The following ZNF658 variants were observed in gnomAD, a reference collection of about 807,000 sequenced individuals.
ZNF658 encodes zinc finger protein 658.
In ZNF658, 46 loss-of-function variants were observed where a neutral mutation model predicts 78.0. The ratio of observed to expected loss-of-function variants is 0.59; its 90% CI spans 0.47 to 0.75. ZNF658 has a LOEUF of 0.75. ZNF658 is among the 30% of genes least tolerant of loss of function. The pLI, the probability that ZNF658 is intolerant of heterozygous loss-of-function variation, is 0.00. For missense variants in ZNF658, 785 were observed against 1,189.3 expected (o/e 0.66, Z 5.00); for synonymous variants, 279 against 408.4 (o/e 0.68, Z 3.82).
Position 66,917,918 on chromosome 9 carries a change from G to A in ZNF658, c.352G>A (p.Val118Ile). 7 of 1,610,398 alleles carry A rather than the reference G, an allele frequency of 4.3e-6. No homozygotes were observed. The highest frequency in any genetic ancestry group is 5.9e-6 in the Non-Finnish European group (7 of 1,179,500). Reference sequence around the variant, plus strand: ...AACATTGAGTAAAGAAGGACAGAAAGTTTTAGAAAAACCATTTAATCTGGA... The same window carrying A: ...AACATTGAGTAAAGAAGGACAGAAAATTTTAGAAAAACCATTTAATCTGGA... Reference protein sequence around the residue: ...DKTLSKEGQKVLEKPFNLEIA... With the variant: ...DKTLSKEGQKILEKPFNLEIA... The change falls in exon 5 of 5, where the codon GTT becomes ATT. Residue 118 changes from valine to isoleucine, a missense_variant. This residue lies in a region of ZNF658 where 54 missense variants were observed against 48.9 expected (regional missense o/e 1.10). Transcript: ENST00000621410.
At chr9:66,916,090 AT>A (rs1822329555) in intron 4 of ZNF658, among the ~76,000 whole-genome samples, 2 of 149,922 alleles carry the variant, frequency 1.3e-5, no homozygotes, top group African/African-American at 4.9e-5. Context: ...GGGTTTCACC[AT>A]GTTGGTCAGG....
chr9:66,908,737 G>A lies in ZNF658; in HGVS notation c.238+3G>A. The A allele has an allele frequency of 6.2e-7, 1 of 1,610,522 alleles. No homozygotes were observed. The highest frequency in any genetic ancestry group is 1.1e-5 in the South Asian group (1 of 90,680). ...ATTCCTGAACCAGAGGTACCCAGGT[G>A]AGTGGGCATTAACAGAAGGAGCCCC... On this transcript the variant is annotated splice_donor_region_variant and intron_variant, in intron 4 of 4. Transcript: ENST00000621410.
rs953670666 is a variant in ZNF658, at chr9:66,920,444, C to T, written c.2878C>T (p.His960Tyr). The stretch of plus-strand genomic sequence containing the variant: ...AACCCTCAGAGTACATCAAAGAATT[C>T]ACACAGGGGAGAAATCCTATGAATG... ...NSTLRVHQRI[H>Y]TGEKSYECND... The change falls in exon 5 of 5, where the codon CAC (histidine) becomes TAC (tyrosine). Residue 960 changes from histidine to tyrosine, a missense_variant. Physicochemically the swap from His to Tyr is moderately conservative, Grantham distance 83. Transcript: ENST00000621410. The T allele has an allele frequency of 1.2e-6, 2 of 1,608,136 alleles. No homozygotes were observed. The highest frequency in any genetic ancestry group is 1.7e-6 in the Non-Finnish European group (2 of 1,178,838).
chr9:66,930,808 C>T (rs1822635553), intron 6 of ZNF658, among the ~76,000 whole-genome samples: 1 of 150,476 alleles, frequency 6.6e-6, no homozygotes, highest in Non-Finnish European at 1.5e-5. Context: ...CACAAATGAA[C>T]TCTGACTTCC....
chr9:66,910,140 A>G (rs1297346781), intron 4 of ZNF658, among the ~76,000 whole-genome samples: 3 of 152,232 alleles, frequency 2.0e-5, no homozygotes, highest in African/African-American at 7.2e-5. Flanking sequence ...ATACAGTTAC[A>G]CTGGGGGTTA....
rs772377009 is a variant in ZNF658, at chr9:66,918,479, A to C, written c.913A>C (p.Asn305His). ...CTATGAGTGTAATGAAAGGGGGATTAATTTCAGTAGGAAGTCACCCCTCAC... is the reference window on the plus strand; with the variant it reads ...CTATGAGTGTAATGAAAGGGGGATTCATTTCAGTAGGAAGTCACCCCTCAC... ...THYECNERGI[N>H]FSRKSPLTQS... Residue 305 changes from asparagine (N) to histidine (H), a missense_variant, in exon 5 of 5, where the codon AAT becomes CAT. Asn to His is a moderately conservative substitution (Grantham distance 68). This residue lies in a region of ZNF658 where 393 missense variants were observed against 400.2 expected (regional missense o/e 0.98). Transcript: ENST00000621410. 2 of 1,607,230 alleles carry C rather than the reference A, an allele frequency of 1.2e-6. No homozygotes were observed. Among genetic ancestry groups the C allele is most frequent in the African/African-American group, 2.7e-5 (2 of 74,638 alleles).
downstream of ZNF658, chr9:66,921,430 C>T (rs1822525067): frequency 6.6e-6 from 1 of 150,396 alleles, no homozygotes; most frequent in Admixed American, 6.6e-5. Flanking sequence ...GAATAAATGA[C>T]ATTTTTCCTA....
rs914175824 is a variant in ZNF658, at chr9:66,913,176, G to C, written c.238+4442G>C. Among the ~76,000 whole-genome samples the C allele has an allele frequency of 2.0e-3, 300 of 151,152 alleles. 1 individual carries two copies. Among genetic ancestry groups the C allele is most frequent in the Non-Finnish European group, 2.6e-3 (176 of 67,832 alleles). Reference sequence around the variant, plus strand: ...ACGGTGGCTCACACCTGTAATCCTAGCATTTTGGGAGGCCGAGGCGGGTGG... The same window carrying C: ...ACGGTGGCTCACACCTGTAATCCTACCATTTTGGGAGGCCGAGGCGGGTGG... On this transcript the variant is annotated intron_variant, in intron 4 of 4. Coordinates refer to ENST00000621410, the MANE Select transcript of ZNF658 (RefSeq NM_033160.7).
chr9:66,908,765 G>A (rs1232430924), intron 4 of ZNF658, 31 bp downstream of exon 4: 19 of 1,603,624 alleles, frequency 1.2e-5, no homozygotes. Context: ...GGAGCCCCCT[G>A]GGGGTACTTA....
At position 66,919,736 on chromosome 9, in the gene ZNF658, G is replaced by C. The variant is rs149105526; in HGVS notation, c.2170G>C (p.Ala724Pro). The part of the protein sequence containing the change: ...YECNECEKTF[A>P]HNSALRAHQN... ...ATGTAATGAATGTGAGAAAACATTT[G>C]CCCATAATTCAGCCCTTAGAGCACA... Residue 724 changes from alanine (A) to proline (P), a missense_variant, in exon 5 of 5, where the codon GCC becomes CCC. Physicochemically the swap from Ala to Pro is conservative, Grantham distance 27. Around this residue, in one of 12 missense-constraint regions of ZNF658, gnomAD observed 75 missense variants for 147.1 expected, o/e 0.51. Transcript: ENST00000621410. 2 of 1,611,086 alleles carry C rather than the reference G, an allele frequency of 1.2e-6. No individual in the cohort carries two copies. The highest frequency in any genetic ancestry group is 2.7e-5 in the African/African-American group (2 of 74,270).
chr9:66,908,725 A>G lies in ZNF658; in HGVS notation c.229A>G (p.Arg77Gly), dbSNP rs377372350. Residue 77 changes from arginine (R) to glycine (G), a missense_variant, in exon 4 of 5, where the codon AGG becomes GGG. Arg to Gly is a moderately radical substitution (Grantham distance 125). This residue lies in a region of ZNF658 where 79 missense variants were observed against 96.5 expected (regional missense o/e 0.82). Coordinates refer to ENST00000621410, the MANE Select transcript of ZNF658 (RefSeq NM_033160.7). ...TTTAGAAGATGAATTCCTGAACCAG[A>G]GGTACCCAGGTGAGTGGGCATTAAC... ...WSLEDEFLNQ[R>G]YPGYFKVDHI... 6.2e-7 allele frequency: 1 copy of G among 1,610,798 alleles called. No homozygotes were observed. Among genetic ancestry groups the G allele is most frequent in the Non-Finnish European group, 8.5e-7 (1 of 1,178,698 alleles).
intron 4 of ZNF658, among the ~76,000 whole-genome samples, chr9:66,909,629 T>C (rs986966062): frequency 2.6e-5 from 4 of 152,112 alleles, no homozygotes; most frequent in African/African-American, 9.7e-5. Flanking sequence ...TTTATCTGTT[T>C]GAGGAACCAC....
At chr9:66,916,452 G>C (rs1673425431) in intron 4 of ZNF658, among the ~76,000 whole-genome samples, 1 of 146,934 alleles carries the variant, frequency 6.8e-6, no homozygotes, top group Non-Finnish European at 1.5e-5. Flanking sequence ...CTGAAGGTTT[G>C]TCTTACAGTC....
intron 4 of ZNF658, among the ~76,000 whole-genome samples, chr9:66,916,090 A>G (rs1222912447): frequency 6.7e-6 from 1 of 149,808 alleles, no homozygotes; most frequent in Non-Finnish European, 1.5e-5. Flanking sequence ...GGGTTTCACC[A>G]TGTTGGTCAG....
intron 4 of ZNF658, among the ~76,000 whole-genome samples, chr9:66,910,205 T>G (rs1486227988): frequency 6.6e-6 from 1 of 152,196 alleles, no homozygotes; most frequent in Non-Finnish European, 1.5e-5. Context: ...ACAATTTCCC[T>G]GGTCACCAAT....
intron 4 of ZNF658, among the ~76,000 whole-genome samples, chr9:66,915,410 AAGAG>A (rs1301075534): frequency 2.4e-4 from 37 of 151,312 alleles, no homozygotes; most frequent in East Asian, 9.7e-4. Context: ...AAAAAAAAAA[AAGAG>A]AGAGACTAGA....
chr9:66,927,411 G>A (rs1173171548), intron 6 of ZNF658, among the ~76,000 whole-genome samples: 10 of 152,058 alleles, frequency 6.6e-5, no homozygotes, highest in African/African-American at 2.2e-4. Flanking sequence ...GGGAATACAC[G>A]ATGGTGCATT....
rs1048963805 is a variant in ZNF658 at position 66,920,313 on chromosome 9, G to A, written c.2747G>A (p.Gly916Glu). 6.2e-6 allele frequency: 10 copies of A among 1,613,768 alleles called. No individual in the cohort carries two copies. The highest frequency in any genetic ancestry group is 8.5e-6 in the Non-Finnish European group (10 of 1,179,884). The change falls in exon 5 of 5, where the codon GGG (glycine) becomes GAG (glutamate). Residue 916 changes from glycine (G) to glutamate (E), a missense_variant. Gly to Glu is a moderately conservative substitution (Grantham distance 98, BLOSUM62 -2). Transcript: ENST00000621410. ...AAACCCTATGAATGCAGTGAATGTG[G>A]GAAAACCTTCTCTGAGAAGTCATAT... Reference protein sequence around the residue: ...GEKPYECSECGKTFSEKSYVS... With the variant: ...GEKPYECSECEKTFSEKSYVS...
In ZNF658 at chr9:66,919,070, A is replaced by C. The variant is rs201659507; in HGVS notation, c.1504A>C (p.Thr502Pro). Residue 502 changes from threonine (T) to proline (P), a missense_variant, in exon 5 of 5, where the codon ACA (threonine) becomes CCA (proline). Physicochemically the swap from Thr to Pro is conservative, Grantham distance 38. Coordinates refer to ENST00000621410, the MANE Select transcript of ZNF658 (RefSeq NM_033160.7). Reference protein sequence around the residue: ...ELCGGSEYGKTSHLKGHQRIL... With the variant: ...ELCGGSEYGKPSHLKGHQRIL... ...CTGTGGTGGCAGTGAATATGGGAAGACATCACATCTCAAAGGACATCAGAG... is the reference window on the plus strand; with the variant it reads ...CTGTGGTGGCAGTGAATATGGGAAGCCATCACATCTCAAAGGACATCAGAG... 1.8e-3 allele frequency: 1,130 copies of C among 613,908 alleles called. 17 individuals are homozygous for C. The African/African-American group carries it at 0.031, about 17-fold the overall frequency. 38.0% of individuals were successfully genotyped at this position (613,908 alleles called of 1,614,324 possible).
Sources: allele counts gnomAD v4.1 joint callset (sites outside exome capture counted in the v4.1 genomes callset), GRCh38; gene constraint gnomAD v4.1.1; regional missense constraint gnomAD v4.1.1; transcripts MANE v1.5; gene names NCBI Gene and HGNC (gene_info 2026-07-23, HGNC 2026-07-21).